MCC: variants seen among roughly 807,000 people sequenced by gnomAD.
MCC encodes the protein colorectal mutant cancer protein.
In MCC, 90 loss-of-function variants were observed where a neutral mutation model predicts 116.2. That is an observed-to-expected ratio of 0.77 (90% confidence interval 0.65 to 0.92). The LOEUF (loss-of-function observed/expected upper bound fraction) is 0.92, where lower values mean the gene tolerates loss of function less well. Among genes scored for constraint, MCC ranks in the 40% least tolerant of loss-of-function variants. MCC has a pLI of 0.00. For missense variants in MCC, 1,516 were observed against 1,312.2 expected (o/e 1.16, Z -2.40); for synonymous variants, 578 against 510.5 (o/e 1.13, Z -1.78).
intron 1 of MCC, among the ~76,000 whole-genome samples, chr5:113,457,552 G>A (rs918519876): frequency 2.0e-5 from 3 of 152,188 alleles, no homozygotes; most frequent in African/African-American, 7.2e-5. Flanking sequence ...GGACTGGCAG[G>A]CAGCTCCACC....
At chr5:113,478,577 T>C (rs866551579) in intron 1 of MCC, among the ~76,000 whole-genome samples, 1 of 152,156 alleles carries the variant, frequency 6.6e-6, no homozygotes, top group Admixed American at 6.5e-5. Context: ...CGGTTCTGTA[T>C]GTGATAAGCT....
chr5:113,137,538 A>G (rs1212546691), intron 5 of MCC, among the ~76,000 whole-genome samples: 3 of 152,106 alleles, frequency 2.0e-5, no homozygotes, highest in Non-Finnish European at 4.4e-5. Context: ...CCTATGGTGA[A>G]TCCCACTCGA....
chr5:113,298,347 C>T (rs924840705), intron 3 of MCC, among the ~76,000 whole-genome samples: 8 of 152,154 alleles, frequency 5.3e-5, no homozygotes, highest in African/African-American at 1.9e-4. Context: ...GGTAGAGAAG[C>T]CTACTGACTG....
chr5:113,366,459 C>T (rs78510236), intron 2 of MCC, among the ~76,000 whole-genome samples: 1,880 of 152,246 alleles, frequency 0.012, 21 homozygotes, highest in African/African-American at 0.026. Context: ...ACCTCCAAGG[C>T]AATTTTCCTT....
intron 6 of MCC, among the ~76,000 whole-genome samples, chr5:113,118,110 T>A (rs774574103): frequency 6.6e-6 from 1 of 152,230 alleles, no homozygotes; most frequent in Non-Finnish European, 1.5e-5. Flanking sequence ...ATCCTGATTT[T>A]ACAGATGAAG....
intron 5 of MCC, among the ~76,000 whole-genome samples, chr5:113,133,581 A>C (rs1176679112): frequency 1.3e-5 from 2 of 152,174 alleles, no homozygotes; most frequent in Admixed American, 1.3e-4. Flanking sequence ...GTGCTGCAAT[A>C]AACAAGAGAA....
intron 1 of MCC, among the ~76,000 whole-genome samples, chr5:113,411,358 T>C (rs1214547866): frequency 6.6e-6 from 1 of 152,220 alleles, no homozygotes; most frequent in Non-Finnish European, 1.5e-5. Flanking sequence ...TGATGACCAG[T>C]GATGATGAGC....
chr5:113,216,198 G>C (rs1317915074), intron 3 of MCC, among the ~76,000 whole-genome samples: 2 of 152,150 alleles, frequency 1.3e-5, no homozygotes, highest in Non-Finnish European at 2.9e-5. Flanking sequence ...TGCAAAAACT[G>C]TAATATTTTC....
intron 1 of MCC, among the ~76,000 whole-genome samples, chr5:113,475,602 A>G (rs577182339): frequency 2.8e-4 from 42 of 152,268 alleles, no homozygotes; most frequent in African/African-American, 9.4e-4. Flanking sequence ...TTCTCTCCAT[A>G]TGGCTTCCAC....
intron 3 of MCC, among the ~76,000 whole-genome samples, chr5:113,183,928 C>T (rs977711262): frequency 2.0e-5 from 3 of 146,524 alleles, no homozygotes; most frequent in African/African-American, 7.4e-5. Context: ...CTTCACAATT[C>T]CCCATGCAAT....
Position 113,340,432 on chromosome 5 carries a change from T to C in MCC, c.627+87A>G, listed in dbSNP as rs560109359. 47 of 1,089,140 alleles carry C rather than the reference T, an allele frequency of 4.3e-5. No homozygotes were observed. In the South Asian group the frequency reaches 6.0e-4, roughly 14 times the overall value. The allele number at this position is 1,089,140 out of a possible 1,614,324, so 67.5% of individuals were successfully genotyped here. A position where few individuals can be genotyped will look rare whatever the true frequency, so the allele number is the denominator to read the frequency against. ...CCGCAATAAAGAAGACAATACCCGA[T>C]ATGTCCCCTGGAGCACAAAATTAAA... On this transcript the variant is annotated intron_variant, in intron 3 of 18. Transcript: ENST00000408903.
intron 1 of MCC, among the ~76,000 whole-genome samples, chr5:113,420,035 TA>T (rs1489878177): frequency 1.1e-4 from 16 of 148,926 alleles, no homozygotes; most frequent in African/African-American, 3.2e-4. Flanking sequence ...TAAAATAAAA[TA>T]AAAATAAAAA....
intron 6 of MCC, among the ~76,000 whole-genome samples, chr5:113,115,509 G>C (rs975632053): frequency 6.6e-6 from 1 of 152,132 alleles, no homozygotes; most frequent in African/African-American, 2.4e-5. Context: ...TCATAAATAT[G>C]AAGGGATAAG....
intron 3 of MCC, among the ~76,000 whole-genome samples, chr5:113,289,221 C>T (rs34614757): frequency 0.14 from 21,381 of 151,248 alleles, 2,067 homozygotes; most frequent in Non-Finnish European, 0.2. Context: ...ATCCCAGCTA[C>T]TCAGGAGGCT....
At chr5:113,486,158 C>T (rs1430394753) in intron 1 of MCC, among the ~76,000 whole-genome samples, 1 of 152,236 alleles carries the variant, frequency 6.6e-6, no homozygotes, top group Non-Finnish European at 1.5e-5. Context: ...CATCCCTAAA[C>T]TTCTCCTACA....
chr5:113,140,357 G>A (rs185622982), intron 5 of MCC, among the ~76,000 whole-genome samples: 214 of 152,326 alleles, frequency 1.4e-3, no homozygotes, highest in African/African-American at 4.9e-3. Context: ...GGAATTTGTA[G>A]TTTCCAGGTA....
intron 1 of MCC, among the ~76,000 whole-genome samples, chr5:113,483,491 C>A (rs1432113821): frequency 1.3e-5 from 2 of 152,044 alleles, no homozygotes; most frequent in East Asian, 1.9e-4. Context: ...GAAATAATAT[C>A]CCTTGGTTAT....
chr5:113,162,156 T>C (rs1434845785), intron 3 of MCC, among the ~76,000 whole-genome samples: 1 of 152,200 alleles, frequency 6.6e-6, no homozygotes. Flanking sequence ...TCCTTTCCAA[T>C]CACTCTAACC....
intron 3 of MCC, among the ~76,000 whole-genome samples, chr5:113,227,873 A>G (rs1453230530): frequency 1.2e-4 from 19 of 152,218 alleles, no homozygotes; most frequent in Admixed American, 1.2e-3. Flanking sequence ...CCTACAGTAA[A>G]GACAATCTGT....
Sources: allele counts gnomAD v4.1 joint callset (sites outside exome capture counted in the v4.1 genomes callset), GRCh38; gene constraint gnomAD v4.1.1; transcripts MANE v1.5; gene names NCBI Gene and HGNC (gene_info 2026-07-23, HGNC 2026-07-21).